MICU1: variants seen among roughly 807,000 people sequenced by gnomAD.
The protein encoded by MICU1 is calcium uptake protein 1, mitochondrial.
A neutral mutation model predicts 56.8 loss-of-function variants in MICU1; 45 were observed. The observed-to-expected ratio is 0.79, with a 90% confidence interval of 0.62 to 1.02. The LOEUF is 1.02. MICU1 is among the 50% of genes least tolerant of loss of function. The pLI is 0.00. For missense variants in MICU1, 504 were observed against 587.1 expected, an observed-to-expected ratio of 0.86 and a Z score of 1.46; for synonymous variants, 186 against 195.1, an observed-to-expected ratio of 0.95 and a Z score of 0.39.
At chr10:72,400,683 T>C (rs1257217658) in intron 10 of MICU1, among the ~76,000 whole-genome samples, 1 of 151,228 alleles carries the variant, frequency 6.6e-6, no homozygotes, top group East Asian at 1.9e-4. Context: ...GAGGTGGAGG[T>C]TGCAGTGAGC....
chr10:72,410,236 ATTTG>A (rs904126662), intron 9 of MICU1, among the ~76,000 whole-genome samples: 13 of 152,158 alleles, frequency 8.5e-5, no homozygotes, highest in African/African-American at 2.9e-4. Flanking sequence ...ATATACCACA[ATTTG>A]TTTATCCATT....
intron 10 of MICU1, among the ~76,000 whole-genome samples, chr10:72,404,541 A>G (rs1414155129): frequency 6.7e-6 from 1 of 149,364 alleles, no homozygotes; most frequent in Non-Finnish European, 1.5e-5. Flanking sequence ...TGAGTAAGAA[A>G]TATTTTTTTA....
At chr10:72,418,009 TC>T (rs1864039906) in intron 9 of MICU1, among the ~76,000 whole-genome samples, 1 of 152,140 alleles carries the variant, frequency 6.6e-6, no homozygotes, top group Non-Finnish European at 1.5e-5. Flanking sequence ...AACATATCCT[TC>T]TTCGCATGGC....
chr10:72,379,241 C>T (rs1029485293), intron 10 of MICU1, among the ~76,000 whole-genome samples: 5 of 152,148 alleles, frequency 3.3e-5, no homozygotes, highest in Non-Finnish European at 7.3e-5. Flanking sequence ...AGGAAAGCTA[C>T]TAAGGAAACC....
chr10:72,389,489 C>G (rs538696947), intron 10 of MICU1, among the ~76,000 whole-genome samples: 2 of 152,248 alleles, frequency 1.3e-5, no homozygotes, highest in African/African-American at 4.8e-5. Context: ...GTTCTTTTGG[C>G]TTGTCAGATA....
intron 8 of MICU1, among the ~76,000 whole-genome samples, chr10:72,447,859 G>C (rs1443651354): frequency 6.6e-6 from 1 of 152,012 alleles, no homozygotes; most frequent in African/African-American, 2.4e-5. Flanking sequence ...TGGATGAACT[G>C]AGCTAAATTA....
intron 5 of MICU1, among the ~76,000 whole-genome samples, chr10:72,515,917 A>G (rs1308530640): frequency 6.6e-6 from 1 of 152,194 alleles, no homozygotes; most frequent in Non-Finnish European, 1.5e-5. Flanking sequence ...AAATGGTATC[A>G]CTAGTATATA....
chr10:72,456,611 C>T (rs1373069694), intron 8 of MICU1, among the ~76,000 whole-genome samples: 1 of 152,178 alleles, frequency 6.6e-6, no homozygotes. Flanking sequence ...AGCTAAGCTG[C>T]TTGTAGATTC....
At chr10:72,387,783 T>A (rs1862941441) in intron 10 of MICU1, among the ~76,000 whole-genome samples, 2 of 150,480 alleles carry the variant, frequency 1.3e-5, no homozygotes, top group African/African-American at 2.4e-5. Flanking sequence ...TTTTTTTTTT[T>A]AAGGATGATT....
chr10:72,523,488 C>T (rs1396740055), intron 5 of MICU1, among the ~76,000 whole-genome samples: 1 of 151,980 alleles, frequency 6.6e-6, no homozygotes, highest in African/African-American at 2.4e-5. Context: ...TAATAAGATA[C>T]CTAATTTGAG....
chr10:72,416,364 A>G (rs1400511048), intron 9 of MICU1, among the ~76,000 whole-genome samples: 1 of 152,186 alleles, frequency 6.6e-6, no homozygotes, highest in Non-Finnish European at 1.5e-5. Flanking sequence ...CACATTTCAC[A>G]CGCTATACTA....
intron 4 of MICU1, among the ~76,000 whole-genome samples, chr10:72,546,873 A>G (rs928698658): frequency 6.6e-6 from 1 of 150,976 alleles, no homozygotes; most frequent in Non-Finnish European, 1.5e-5. Context: ...CTACAGGCAC[A>G]AGCCACCACG....
chr10:72,425,128 A>G (rs1864305282), intron 8 of MICU1, among the ~76,000 whole-genome samples: 1 of 152,242 alleles, frequency 6.6e-6, no homozygotes, highest in South Asian at 2.1e-4. Context: ...ATTTTCAGTG[A>G]AATCTGAAAC....
At chr10:72,473,280 T>C (rs1404831847) in intron 8 of MICU1, 1 of 151,048 alleles carries the variant, frequency 6.6e-6, no homozygotes, top group Admixed American at 6.6e-5. Flanking sequence ...GGTGGTGGGT[T>C]AAATCAAGAA....
chr10:72,475,095 C>A lies in MICU1; in HGVS notation c.933+5G>T. 7.5e-6 allele frequency: 12 copies of A among 1,605,012 alleles called. No individual in the cohort carries two copies. The highest frequency in any genetic ancestry group is 1.0e-5 in the Non-Finnish European group (12 of 1,175,462). On this transcript the variant is annotated splice_donor_5th_base_variant and intron_variant, in intron 8 of 11. Transcript: ENST00000361114. The stretch of plus-strand genomic sequence containing the variant: ...ATGGATCTACTGAGTCTAAGGAAGA[C>A]CTACCTCAAGCTTCAGAACATCATG...
chr10:72,512,100 G>GTTTTTTTTTTTTTTTTT lies in MICU1; in HGVS notation c.538-3832_538-3831insAAAAAAAAAAAAAAAAA, dbSNP rs1199987987. The stretch of plus-strand genomic sequence containing the variant: ...ATCAATCTGGCATCCATACACAGTT[G>GTTTTTTTTTTTTTTTTT]TTTTTTGTTTTTTTTTTTTTTTTTT... On this transcript the variant is annotated intron_variant, in intron 5 of 11. Coordinates refer to ENST00000361114, the MANE Select transcript of MICU1 (RefSeq NM_001195518.2). Among the ~76,000 whole-genome samples, 10 of 82,336 alleles carry GTTTTTTTTTTTTTTTTT rather than the reference G, an allele frequency of 1.2e-4. 2 individuals are homozygous for GTTTTTTTTTTTTTTTTT. The highest frequency in any genetic ancestry group is 5.8e-4 in the African/African-American group (10 of 17,242). The allele number at this position is 82,336 out of a possible 152,430, so 54.0% of individuals were successfully genotyped here.
chr10:72,375,391 C>T (rs1040036294), intron 11 of MICU1, among the ~76,000 whole-genome samples: 6 of 152,166 alleles, frequency 3.9e-5, no homozygotes, highest in African/African-American at 7.2e-5. Flanking sequence ...AGATGGAATG[C>T]AACTGGCTGG....
At chr10:72,379,477 C>A in intron 10 of MICU1, 1 of 337,022 alleles carries the variant, frequency 3.0e-6, no homozygotes, top group Non-Finnish European at 6.0e-6. Flanking sequence ...AAGCTTCTGA[C>A]TTCCTTTTCT....
chr10:72,613,290 T>TTTC (rs770907789), intron 1 of MICU1, among the ~76,000 whole-genome samples: 2 of 149,234 alleles, frequency 1.3e-5, no homozygotes, highest in African/African-American at 5.0e-5. Flanking sequence ...TTTTTTTTTT[T>TTTC]AGAGACAGGG....
Sources: allele counts gnomAD v4.1 joint callset (sites outside exome capture counted in the v4.1 genomes callset), GRCh38; gene constraint gnomAD v4.1.1; transcripts MANE v1.5; gene names NCBI Gene and HGNC (gene_info 2026-07-23, HGNC 2026-07-21).